TRIP4: variants seen among roughly 807,000 people sequenced by gnomAD.
The protein encoded by TRIP4 is activating signal cointegrator 1.
In TRIP4, 54 loss-of-function variants were observed where a neutral mutation model predicts 81.8. The observed-to-expected ratio is 0.66, with a 90% CI of 0.53 to 0.83. TRIP4 has a LOEUF of 0.83. Ranked by LOEUF, TRIP4 falls within the 40% of genes least tolerant of loss-of-function variation. The probability of loss-of-function intolerance (pLI) is 0.00; values close to 1 mark genes in which losing one functional copy is unlikely to be tolerated. For synonymous variants in TRIP4, 270 were observed against 242.8 expected (o/e 1.11, Z -1.04); for missense variants, 662 against 683.6 (o/e 0.97, Z 0.35).
At chr15:64,454,089 G>C (rs1312922937) in intron 12 of TRIP4, among the ~76,000 whole-genome samples, 2 of 151,668 alleles carry the variant, frequency 1.3e-5, no homozygotes, top group African/African-American at 4.8e-5. Flanking sequence ...GGTATACTCA[G>C]CTGCCTTTGA....
At chr15:64,421,059 C>T (rs529018379) in intron 9 of TRIP4, among the ~76,000 whole-genome samples, 1 of 150,980 alleles carries the variant, frequency 6.6e-6, no homozygotes, top group Non-Finnish European at 1.5e-5. Flanking sequence ...CCTGTAATCC[C>T]AGCACTTTAG....
In TRIP4 at chr15:64,398,753, A is replaced by G. The variant is rs139663580; in HGVS notation, c.618+935A>G. On this transcript the variant is annotated intron_variant, in intron 4 of 12. Coordinates refer to ENST00000261884, the MANE Select transcript of TRIP4 (RefSeq NM_016213.5). ...TTGTCATAGCTCTGCTTTGTCTGAG[A>G]GAATGACCTCAAGAATGCAGTGATA... Among the ~76,000 whole-genome samples, 862 of 152,200 alleles carry G rather than the reference A, an allele frequency of 5.7e-3. 8 individuals are homozygous for G. Among genetic ancestry groups the G allele is most frequent in the Non-Finnish European group, 0.01 (706 of 67,998 alleles).
At chr15:64,394,408 A>G (rs199510937) in intron 2 of TRIP4, among the ~76,000 whole-genome samples, 4 of 152,128 alleles carry the variant, frequency 2.6e-5, no homozygotes, top group Non-Finnish European at 5.9e-5. Flanking sequence ...GATCGAGACC[A>G]TCGTGGCTAA....
chr15:64,390,918 C>T (rs886726162), intron 1 of TRIP4, among the ~76,000 whole-genome samples: 3 of 151,926 alleles, frequency 2.0e-5, no homozygotes, highest in Admixed American at 6.6e-5. Flanking sequence ...AATTATATTC[C>T]GCCTGGGAAG....
At chr15:64,434,098 A>G (rs769480655) in intron 11 of TRIP4, among the ~76,000 whole-genome samples, 9 of 152,132 alleles carry the variant, frequency 5.9e-5, no homozygotes, top group South Asian at 2.1e-4. Context: ...GGACTGCCCA[A>G]TTAAAAAAAA....
intron 11 of TRIP4, among the ~76,000 whole-genome samples, chr15:64,433,576 C>T (rs1050558275): frequency 2.6e-5 from 4 of 152,072 alleles, no homozygotes; most frequent in African/African-American, 7.2e-5. Flanking sequence ...TGCACTCCAG[C>T]CCAGGCAACA....
chr15:64,395,596 A>G, intron 3 of TRIP4, 65 bp downstream of exon 3: 2 of 1,526,634 alleles, frequency 1.3e-6, no homozygotes, highest in Non-Finnish European at 1.8e-6. Flanking sequence ...AATACATTTC[A>G]GAGAGCAAAG....
At chr15:64,395,229 T>C (rs971670554) in intron 2 of TRIP4, among the ~76,000 whole-genome samples, 169 bp from the exon 3 acceptor site, 6 of 152,228 alleles carry the variant, frequency 3.9e-5, no homozygotes, top group African/African-American at 1.4e-4. Context: ...TTGGAAATGA[T>C]GATTTAAATT....
intron 11 of TRIP4, among the ~76,000 whole-genome samples, chr15:64,431,849 T>TATATATATATATATATA (rs1566981702): frequency 8.6e-5 from 7 of 81,430 alleles, no homozygotes; most frequent in African/African-American, 2.8e-4. Flanking sequence ...ATATATATAT[T>TATATATATATATATATA]TTTTTTATCC....
Position 64,445,433 on chromosome 15 carries a change from C to T in TRIP4, c.1678+325C>T, listed in dbSNP as rs28427552. On this transcript the variant is annotated intron_variant, in intron 12 of 12. Transcript: ENST00000261884. ...CAAGGTCAAGAGATCGAGACCATCC[C>T]GGCCAACATGGTGAAACCCCCCCGT... is the stretch of plus-strand genomic sequence containing the variant. 0.069 allele frequency among the ~76,000 whole-genome samples: 10,252 copies of T among 149,520 alleles called. 1,170 individuals are homozygous for T. Among genetic ancestry groups the T allele is most frequent in the African/African-American group, 0.24 (9,658 of 40,450 alleles).
At chr15:64,454,901 GACAGGAAC>G in intron 12 of TRIP4, 88 bp from the exon 13 acceptor site, 1 of 1,085,806 alleles carries the variant, frequency 9.2e-7, no homozygotes, top group East Asian at 2.4e-5. Context: ...AATTGAATGT[GACAGGAAC>G]ACAGTAACCA....
In TRIP4 at chr15:64,409,615, T is replaced by G; in HGVS notation, c.830T>G (p.Ile277Ser). 6.2e-7 allele frequency: 1 copy of G among 1,614,062 alleles called. No individual in the cohort carries two copies. ...DKLLEFDRTS[I>S]RRTQVIDDES... is the part of the protein sequence containing the mutation. Reference sequence around the variant, plus strand: ...ACCATGTGTTCCCTTTTTCTCAGTATTCGAAGGACCCAAGTCATTGATGAT... The same window carrying G: ...ACCATGTGTTCCCTTTTTCTCAGTAGTCGAAGGACCCAAGTCATTGATGAT... Residue 277 changes from isoleucine to serine, a missense_variant and splice_region_variant, in exon 7 of 13, where the codon ATT becomes AGT. Physicochemically the swap from Ile to Ser is moderately radical, Grantham distance 142. Coordinates refer to ENST00000261884, the MANE Select transcript of TRIP4 (RefSeq NM_016213.5).
intron 1 of TRIP4, among the ~76,000 whole-genome samples, chr15:64,388,326 A>C (rs1457220214): frequency 6.6e-6 from 1 of 152,088 alleles, no homozygotes; most frequent in Non-Finnish European, 1.5e-5. Context: ...TGTTGTTATT[A>C]TTGAGACGGA....
At chr15:64,450,911 A>G (rs1892743974) in intron 12 of TRIP4, 4 of 261,180 alleles carry the variant, frequency 1.5e-5, no homozygotes, top group South Asian at 1.2e-4. Context: ...CTCATTCAGT[A>G]AAGCTTTAAG....
At chr15:64,406,890 C>T (rs191933590) in intron 6 of TRIP4, among the ~76,000 whole-genome samples, 1 of 152,246 alleles carries the variant, frequency 6.6e-6, no homozygotes, top group Admixed American at 6.5e-5. Flanking sequence ...TTACCCTTCT[C>T]CTTTACTTTG....
At chr15:64,424,208 A>G in intron 10 of TRIP4, 53 bp downstream of exon 10, 3 of 1,603,802 alleles carry the variant, frequency 1.9e-6, no homozygotes, top group East Asian at 4.5e-5. Context: ...GAAGTCATTG[A>G]CGTTCATCTT....
intron 4 of TRIP4, among the ~76,000 whole-genome samples, chr15:64,398,363 G>A (rs1900355618): frequency 6.8e-6 from 1 of 147,162 alleles, no homozygotes; most frequent in Non-Finnish European, 1.5e-5. Context: ...TGAGGTGGGA[G>A]GATCACCTGA....
At chr15:64,423,767 G>T (rs1892072689) in intron 9 of TRIP4, among the ~76,000 whole-genome samples, 1 of 152,168 alleles carries the variant, frequency 6.6e-6, no homozygotes, top group African/African-American at 2.4e-5. Context: ...GAGTTGTAGG[G>T]ATCAGGTGAA....
chr15:64,445,141 C>G (rs755264965), intron 12 of TRIP4, 33 bp downstream of exon 12: 16 of 1,195,968 alleles, frequency 1.3e-5, no homozygotes, highest in Admixed American at 3.7e-5. Context: ...TAAGACTAGT[C>G]AAGTGCAGTA....
Sources: gnomAD v4.1 joint callset for allele counts (sites outside exome capture counted in the v4.1 genomes callset) on GRCh38, gnomAD v4.1.1 for gene constraint, MANE v1.5 for transcripts, NCBI Gene and HGNC (gene_info 2026-07-23, HGNC 2026-07-21) for gene names.